The following CLSTN2 variants were observed in gnomAD, a reference collection of about 807,000 sequenced individuals.
CLSTN2 encodes calsyntenin 2, also known as calsyntenin-2.
CLSTN2 carries 48 observed loss-of-function variants against 101.2 expected under a neutral mutation model. The ratio of observed to expected loss-of-function variants is 0.47; its 90% CI spans 0.38 to 0.60. The LOEUF is 0.60. Ranked by LOEUF, CLSTN2 falls within the 20% of genes least tolerant of loss-of-function variation. The probability of loss-of-function intolerance (pLI) is 0.00; values close to 1 mark genes in which losing one functional copy is unlikely to be tolerated. For missense variants in CLSTN2, 1,160 were observed against 1,238.2 expected, an observed-to-expected ratio of 0.94 and a Z score of 0.95; for synonymous variants, 481 against 463.6, an observed-to-expected ratio of 1.04 and a Z score of -0.48.
intron 1 of CLSTN2, among the ~76,000 whole-genome samples, chr3:140,004,667 GA>G (rs894824730): frequency 6.6e-6 from 1 of 152,018 alleles, no homozygotes; most frequent in African/African-American, 2.4e-5. Context: ...ATCTGAATTG[GA>G]AAAAAGAGAC....
chr3:139,984,429 A>T (rs1237460473), intron 1 of CLSTN2, among the ~76,000 whole-genome samples: 1 of 152,162 alleles, frequency 6.6e-6, no homozygotes, highest in Non-Finnish European at 1.5e-5. Context: ...TTTGGTGGCC[A>T]TGAGACATTG....
chr3:140,223,647 G>T (rs1190875490), intron 2 of CLSTN2, among the ~76,000 whole-genome samples: 1 of 152,158 alleles, frequency 6.6e-6, no homozygotes, highest in East Asian at 1.9e-4. Flanking sequence ...AGCTAGAAAT[G>T]CTGAGAGCTT....
At chr3:140,296,151 T>C (rs1230407702) in intron 2 of CLSTN2, among the ~76,000 whole-genome samples, 2 of 152,182 alleles carry the variant, frequency 1.3e-5, no homozygotes, top group African/African-American at 4.8e-5. Flanking sequence ...TTTAACTATC[T>C]TAGAATCTAG....
At chr3:140,160,151 T>C (rs1380470948) in intron 1 of CLSTN2, among the ~76,000 whole-genome samples, 1 of 152,114 alleles carries the variant, frequency 6.6e-6, no homozygotes, top group African/African-American at 2.4e-5. Context: ...ATACCCCGTG[T>C]ATCTAAAATA....
chr3:140,249,408 C>T (rs2086542911), intron 2 of CLSTN2, among the ~76,000 whole-genome samples: 1 of 152,092 alleles, frequency 6.6e-6, no homozygotes, highest in Non-Finnish European at 1.5e-5. Context: ...TAATCTGGCA[C>T]CATGTTGCTT....
intron 2 of CLSTN2, among the ~76,000 whole-genome samples, chr3:140,255,747 C>A (rs2086598832): frequency 1.3e-5 from 2 of 152,178 alleles, no homozygotes; most frequent in East Asian, 1.9e-4. Context: ...CACATATACC[C>A]CTTGAACCTA....
chr3:140,212,475 A>T (rs2107847334), intron 2 of CLSTN2, among the ~76,000 whole-genome samples: 1 of 152,278 alleles, frequency 6.6e-6, no homozygotes, highest in African/African-American at 2.4e-5. Flanking sequence ...GTGTATTTGT[A>T]AGTAGAATGC....
At chr3:140,447,824 G>C (rs113787027) in intron 5 of CLSTN2, among the ~76,000 whole-genome samples, 5,022 of 152,260 alleles carry the variant, frequency 0.033, 283 homozygotes, top group African/African-American at 0.11. Flanking sequence ...AGGAGAAAGA[G>C]AAAACATTAG....
At chr3:139,997,245 C>T (rs760772864) in intron 1 of CLSTN2, among the ~76,000 whole-genome samples, 9 of 152,020 alleles carry the variant, frequency 5.9e-5, no homozygotes, top group East Asian at 1.9e-4. Flanking sequence ...TTCTTTGAGA[C>T]GTCTTTTGAT....
intron 1 of CLSTN2, among the ~76,000 whole-genome samples, chr3:139,997,609 A>G (rs1484109107): frequency 6.6e-6 from 1 of 152,214 alleles, no homozygotes; most frequent in African/African-American, 2.4e-5. Context: ...ATTCTGCCTT[A>G]ATCATTACAC....
At chr3:140,237,890 G>A (rs1361371461) in intron 2 of CLSTN2, among the ~76,000 whole-genome samples, 3 of 152,110 alleles carry the variant, frequency 2.0e-5, no homozygotes, top group African/African-American at 7.2e-5. Context: ...ACCCAAGCTT[G>A]CACAGTTAAC....
At chr3:140,230,610 G>C (rs766678931) in intron 2 of CLSTN2, among the ~76,000 whole-genome samples, 1 of 152,126 alleles carries the variant, frequency 6.6e-6, no homozygotes, top group Non-Finnish European at 1.5e-5. Context: ...ATATTGAAAA[G>C]AGACCATCCA....
At chr3:140,051,309 GTTT>G (rs2007986397) in intron 1 of CLSTN2, among the ~76,000 whole-genome samples, 1 of 152,220 alleles carries the variant, frequency 6.6e-6, no homozygotes, top group Non-Finnish European at 1.5e-5. Context: ...CTTCAGGACT[GTTT>G]CTGATAAATG....
intron 1 of CLSTN2, among the ~76,000 whole-genome samples, chr3:139,967,700 C>CT (rs1935624866): frequency 6.6e-6 from 1 of 152,128 alleles, no homozygotes; most frequent in African/African-American, 2.4e-5. Flanking sequence ...CCAATTTATT[C>CT]TTTTCTTGAA....
intron 9 of CLSTN2, among the ~76,000 whole-genome samples, chr3:140,544,955 A>ATATGGATCTAGAT (rs372219025): frequency 1.3e-5 from 2 of 152,334 alleles, no homozygotes; most frequent in African/African-American, 4.8e-5. Flanking sequence ...CATGGAAGGT[A>ATATGGATCTAGAT]TATGGATCTA....
chr3:140,269,010 G>A (rs145943862), intron 2 of CLSTN2, among the ~76,000 whole-genome samples: 49 of 152,136 alleles, frequency 3.2e-4, no homozygotes, highest in Admixed American at 1.2e-3. Context: ...GATCAGGGAC[G>A]TCTTGAATAA....
In CLSTN2 at chr3:140,365,454, CAG is replaced by C. The variant is rs199839946; in HGVS notation, c.233-38172_233-38171del. Among the ~76,000 whole-genome samples, 5 of 152,312 alleles carry C rather than the reference CAG, an allele frequency of 3.3e-5. No individual in the cohort carries two copies. The East Asian group carries it at 5.8e-4, about 18-fold the overall frequency. On this transcript the variant is annotated intron_variant, in intron 2 of 16. Transcript: ENST00000458420. ...TCTTCAAAATGCAATGTGACTTACGCAGAGTTTTCAAAATCAATCAACAAACA... is the reference window on the plus strand; with the variant it reads ...TCTTCAAAATGCAATGTGACTTACGCAGTTTTCAAAATCAATCAACAAACA...
intron 2 of CLSTN2, among the ~76,000 whole-genome samples, chr3:140,269,556 G>A (rs2086722937): frequency 6.6e-6 from 1 of 152,182 alleles, no homozygotes; most frequent in South Asian, 2.1e-4. Context: ...GACAGAGAGG[G>A]CCAAGCCTGT....
At chr3:140,323,077 G>C (rs2087298710) in intron 2 of CLSTN2, among the ~76,000 whole-genome samples, 1 of 152,222 alleles carries the variant, frequency 6.6e-6, no homozygotes, top group Admixed American at 6.5e-5. Flanking sequence ...TGCTGCGCTT[G>C]AGAACATAAG....
Sources: gnomAD v4.1 joint callset for allele counts (sites outside exome capture counted in the v4.1 genomes callset) on GRCh38, gnomAD v4.1.1 for gene constraint, MANE v1.5 for transcripts, NCBI Gene and HGNC (gene_info 2026-07-23, HGNC 2026-07-21) for gene names.